Variants in HNF4A observed in about 807,000 individuals in gnomAD.
HNF4A encodes the protein hepatocyte nuclear factor 4 alpha.
HNF4A carries 15 observed loss-of-function variants against 52.4 expected under a neutral mutation model. The ratio of observed to expected loss-of-function variants is 0.29; its 90% CI spans 0.19 to 0.44. The LOEUF is 0.44. Among genes scored for constraint, HNF4A ranks in the 20% least tolerant of loss-of-function variants. The probability of loss-of-function intolerance (pLI) is 1.00; values close to 1 mark genes in which losing one functional copy is unlikely to be tolerated. For missense variants in HNF4A, 479 were observed against 647.2 expected (o/e 0.74, Z 2.82); for synonymous variants, 280 against 264.4 (o/e 1.06, Z -0.57).
upstream of HNF4A, among the ~76,000 whole-genome samples, chr20:44,396,466 C>T (rs1022354936): frequency 5.9e-5 from 9 of 152,162 alleles, no homozygotes; most frequent in Non-Finnish European, 8.8e-5. Context: ...AATCCCTTCC[C>T]GTCTCAACTG....
At chr20:44,374,466 CTGTTT>C (rs1568694711) in intron 1 of HNF4A, among the ~76,000 whole-genome samples, 1 of 151,896 alleles carries the variant, frequency 6.6e-6, no homozygotes, top group Non-Finnish European at 1.5e-5. Context: ...TGTCTTTCTA[CTGTTT>C]TGTTTTGTTT....
chr20:44,428,611 G>A, intron 9 of HNF4A, 124 bp downstream of exon 9: 1 of 911,620 alleles, frequency 1.1e-6, no homozygotes, highest in South Asian at 1.4e-5. Flanking sequence ...CCAGGGTAGG[G>A]AATAAAGGGC....
intron 8 of HNF4A, among the ~76,000 whole-genome samples, chr20:44,425,951 T>C (rs775312658): frequency 1.3e-5 from 2 of 152,198 alleles, no homozygotes; most frequent in Non-Finnish European, 2.9e-5. Flanking sequence ...TGAGCCACCA[T>C]GCCCAGCCTC....
chr20:44,419,661 T>C, intron 6 of HNF4A, 60 bp from the exon 7 acceptor site: 1 of 1,563,678 alleles, frequency 6.4e-7, no homozygotes, highest in Admixed American at 1.7e-5. Context: ...AAGCCAAAAC[T>C]AGAGGAGAGG....
chr20:44,429,381 A>T, intron 9 of HNF4A, 142 bp from the exon 10 acceptor site: 1 of 885,838 alleles, frequency 1.1e-6, no homozygotes, highest in Non-Finnish European at 1.8e-6. Flanking sequence ...TATCTGGTTT[A>T]ATTAATTCTC....
intron 1 of HNF4A, chr20:44,401,510 A>C (rs1177936477): frequency 6.2e-7 from 1 of 1,613,808 alleles, no homozygotes; most frequent in Admixed American, 1.7e-5. Context: ...AGATGTGCCC[A>C]GGTGTGCCAG....
At chr20:44,401,587 G>A in intron 1 of HNF4A, 4 of 1,440,356 alleles carry the variant, frequency 2.8e-6, no homozygotes, top group Non-Finnish European at 3.8e-6. Context: ...GGAGGAGAAT[G>A]ATACAAAATG....
rs776193262 is a variant in HNF4A, at chr20:44,429,472, C to T, written c.1283-51C>T. 20 of 1,613,304 alleles carry T rather than the reference C, an allele frequency of 1.2e-5. No individual in the cohort carries two copies. The South Asian group carries it at 1.9e-4, about 15-fold the overall frequency. Reference sequence around the variant, plus strand: ...TTTCCCGGGCCTCTTCATTTACTCCCACAAAGGCTGGAATTTTGAGCAGCC... The same window carrying T: ...TTTCCCGGGCCTCTTCATTTACTCCTACAAAGGCTGGAATTTTGAGCAGCC... On this transcript the variant is annotated intron_variant, in intron 9 of 9. Coordinates refer to ENST00000316099, the MANE Select transcript of HNF4A (RefSeq NM_000457.6).
chr20:44,404,472 G>A (rs187918107), intron 1 of HNF4A, among the ~76,000 whole-genome samples: 1 of 151,152 alleles, frequency 6.6e-6, no homozygotes, highest in African/African-American at 2.4e-5. Flanking sequence ...ATGAATACAC[G>A]TGTGTGTGTG....
Position 44,417,695 on chromosome 20 carries a change from G to A in HNF4A, c.649-730G>A, listed in dbSNP as rs369943600. Among the ~76,000 whole-genome samples, 37 of 152,184 alleles carry A rather than the reference G, an allele frequency of 2.4e-4. No homozygotes were observed. The East Asian group carries it at 2.7e-3, about 11-fold the overall frequency. On this transcript the variant is annotated intron_variant, in intron 5 of 9. Coordinates refer to ENST00000316099, the MANE Select transcript of HNF4A (RefSeq NM_000457.6). ...GCCTAAGAATCTGTATTTTCAGGCC[G>A]GGCGCAGTGGTTCACACCTGTAATC...
intron 1 of HNF4A, chr20:44,377,775 GTTTA>G (rs1407047481): frequency 1.3e-5 from 2 of 152,234 alleles, no homozygotes; most frequent in Non-Finnish European, 2.9e-5. Flanking sequence ...ATTCTGTTTT[GTTTA>G]TTTGTTTGTT....
At chr20:44,416,807 C>A (rs2063671664) in intron 5 of HNF4A, among the ~76,000 whole-genome samples, 1 of 152,152 alleles carries the variant, frequency 6.6e-6, no homozygotes, top group Admixed American at 6.5e-5. Flanking sequence ...CCTCTAACAA[C>A]AATTTCACCT....
intron 5 of HNF4A, among the ~76,000 whole-genome samples, chr20:44,417,419 T>G (rs2146432645): frequency 6.6e-6 from 1 of 152,308 alleles, no homozygotes; most frequent in South Asian, 2.1e-4. Context: ...TTCATCAAGC[T>G]GATTCTCTGC....
chr20:44,398,658 T>G (rs2063374911), upstream of HNF4A, among the ~76,000 whole-genome samples: 2 of 152,196 alleles, frequency 1.3e-5, no homozygotes, highest in African/African-American at 4.8e-5. Flanking sequence ...ATGTGCCTCC[T>G]AGGCAGTCAT....
intron 1 of HNF4A, among the ~76,000 whole-genome samples, chr20:44,379,775 A>C (rs2146244039): frequency 7.4e-6 from 1 of 135,940 alleles, no homozygotes; most frequent in South Asian, 2.3e-4. Flanking sequence ...ACTGTGTGGC[A>C]CAGACTGGGG....
chr20:44,394,818 G>A (rs761279608), intron 1 of HNF4A, among the ~76,000 whole-genome samples: 14 of 152,288 alleles, frequency 9.2e-5, no homozygotes, highest in Admixed American at 2.0e-4. Flanking sequence ...GAGGAAAACC[G>A]CAAACTCATG....
At chr20:44,377,219 C>T (rs1011119612) in intron 1 of HNF4A, among the ~76,000 whole-genome samples, 4 of 151,950 alleles carry the variant, frequency 2.6e-5, no homozygotes, top group Admixed American at 1.3e-4. Context: ...CTCACCTATA[C>T]GTGGGGGCTA....
intron 7 of HNF4A, among the ~76,000 whole-genome samples, chr20:44,421,237 C>T (rs551520664): frequency 1.1e-4 from 17 of 152,326 alleles, no homozygotes; most frequent in African/African-American, 4.1e-4. Context: ...TCTCCTGTGG[C>T]TCTTGGCTCT....
chr20:44,381,279 CTT>C (rs11477724), intron 1 of HNF4A, among the ~76,000 whole-genome samples: 1,191 of 110,074 alleles, frequency 0.011, 6 homozygotes, highest in African/African-American at 0.034. Context: ...TCAGTGAGAG[CTT>C]TTTTTTTTTT....
Sources: gnomAD v4.1 joint callset for allele counts (sites outside exome capture counted in the v4.1 genomes callset) on GRCh38, gnomAD v4.1.1 for gene constraint, MANE v1.5 for transcripts, NCBI Gene and HGNC (gene_info 2026-07-23, HGNC 2026-07-21) for gene names.